PYGO1: variants seen among roughly 807,000 people sequenced by gnomAD.
The protein encoded by PYGO1 is pygopus family PHD finger 1, also known as pygopus homolog 1.
Under a neutral mutation model 29.5 loss-of-function variants are expected in PYGO1, and 6 were observed. The ratio of observed to expected loss-of-function variants is 0.20; its 90% CI spans 0.11 to 0.40. The LOEUF (loss-of-function observed/expected upper bound fraction) is 0.40, where lower values mean the gene tolerates loss of function less well. Ranked by LOEUF, PYGO1 falls within the 10% of genes least tolerant of loss-of-function variation. PYGO1 has a pLI of 1.00. For missense variants in PYGO1, 515 were observed against 514.9 expected, an observed-to-expected ratio of 1.00 and a Z score of 0.00; for synonymous variants, 186 against 180.5, an observed-to-expected ratio of 1.03 and a Z score of -0.24.
At chr15:55,586,641 T>C (rs913644770) in intron 1 of PYGO1, among the ~76,000 whole-genome samples, 17 of 152,362 alleles carry the variant, frequency 1.1e-4, no homozygotes, top group African/African-American at 2.6e-4. Flanking sequence ...TTGCTGTTGA[T>C]TGCACACACT....
chr15:55,552,071 T>C (rs2058881114), intron 1 of PYGO1, among the ~76,000 whole-genome samples: 1 of 151,938 alleles, frequency 6.6e-6, no homozygotes, highest in Admixed American at 6.6e-5. Flanking sequence ...GAAGCAGCTG[T>C]GGGCCAGGCA....
At chr15:55,583,904 T>A (rs955712298) in intron 1 of PYGO1, among the ~76,000 whole-genome samples, 1 of 152,158 alleles carries the variant, frequency 6.6e-6, no homozygotes, top group Non-Finnish European at 1.5e-5. Context: ...CACATTTTTA[T>A]CTCCTCTGAT....
rs1216267565 is a variant in PYGO1, at chr15:55,546,549, G to A, written c.734C>T (p.Ala245Val). ...PPPKQDFTQG[A>V]TKNTNQNSSA... ...GGAATTTTGATTAGTGTTTTTGGTT[G>A]CTCCTTGAGTAAAGTCTTGTTTTGG... is the stretch of plus-strand genomic sequence containing the variant. The change falls in exon 3 of 3, where the codon GCA becomes GTA. Residue 245 changes from alanine to valine, a missense_variant. Transcript: ENST00000563719. The A allele has an allele frequency of 8.7e-6, 14 of 1,613,938 alleles. No homozygotes were observed. The highest frequency in any genetic ancestry group is 1.2e-5 in the Non-Finnish European group (14 of 1,180,010).
At chr15:55,572,991 C>A (rs1364157673) in intron 1 of PYGO1, among the ~76,000 whole-genome samples, 1 of 139,998 alleles carries the variant, frequency 7.1e-6, no homozygotes, top group African/African-American at 2.6e-5. Flanking sequence ...AAGGTCAACA[C>A]AGTGAGACTC....
Position 55,545,031 on chromosome 15 carries a change from T to G in PYGO1, c.*992A>C, listed in dbSNP as rs1243592712. 2 of 152,202 alleles carry G rather than the reference T, an allele frequency of 1.3e-5. No individual in the cohort carries two copies. Among genetic ancestry groups the G allele is most frequent in the African/African-American group, 2.4e-5 (1 of 41,458 alleles). The allele number at this position is 152,202 out of a possible 1,614,324, so 9.4% of individuals were successfully genotyped here. A position where few individuals can be genotyped will look rare whatever the true frequency, so the allele number is the denominator to read the frequency against. On this transcript the variant is annotated 3_prime_UTR_variant, in exon 3 of 3. Transcript: ENST00000563719. ...ATTGATCTTTGTTTAAAATGGATTT[T>G]GATCTCCCCTAGGGTTCATTTTTGA...
At chr15:55,573,076 G>A (rs950277380) in intron 1 of PYGO1, among the ~76,000 whole-genome samples, 3 of 151,894 alleles carry the variant, frequency 2.0e-5, no homozygotes, top group Admixed American at 6.6e-5. Flanking sequence ...GGAGGCTGAG[G>A]TGGGCGGATC....
At chr15:55,574,265 C>G (rs2058992088) in intron 1 of PYGO1, among the ~76,000 whole-genome samples, 1 of 152,164 alleles carries the variant, frequency 6.6e-6, no homozygotes, top group Non-Finnish European at 1.5e-5. Flanking sequence ...CAACATTTGA[C>G]CTCACCACAA....
intron 1 of PYGO1, among the ~76,000 whole-genome samples, chr15:55,554,583 A>G (rs2058895462): frequency 6.6e-6 from 1 of 152,136 alleles, no homozygotes; most frequent in South Asian, 2.1e-4. Flanking sequence ...ACTGAGTTAA[A>G]GGAGCATGCT....
Position 55,546,706 on chromosome 15 carries a change from T to C in PYGO1, c.577A>G (p.Ser193Gly). The C allele has an allele frequency of 6.2e-7, 1 of 1,614,046 alleles. No homozygotes were observed. The highest frequency in any genetic ancestry group is 8.5e-7 in the Non-Finnish European group (1 of 1,179,882). ...NFSQIPPQNA[S>G]QVSNPDLASN... ...GCCAAATCGGGGTTAGAAACTTGGCTAGCATTCTGTGGAGGAATTTGACTG... is the reference window on the plus strand; with the variant it reads ...GCCAAATCGGGGTTAGAAACTTGGCCAGCATTCTGTGGAGGAATTTGACTG... The change falls in exon 3 of 3, where the codon AGC (serine) becomes GGC (glycine). Residue 193 changes from serine (S) to glycine (G), a missense_variant. By Grantham distance (56) the Ser-to-Gly change is moderately conservative. Transcript: ENST00000563719.
Position 55,541,570 on chromosome 15 carries a change from T to C in PYGO1, c.*4453A>G, listed in dbSNP as rs2058828162. On this transcript the variant is annotated 3_prime_UTR_variant, in exon 3 of 3. Coordinates refer to ENST00000563719, the MANE Select transcript of PYGO1 (RefSeq NM_001367806.1). ...TTTTAAAAAAGAAATTTAATGACAC[T>C]TTTCCCACTATCTTCATTCATACCT... 1.3e-5 allele frequency: 2 copies of C among 152,198 alleles called. No homozygotes were observed. Among genetic ancestry groups the C allele is most frequent in the African/African-American group, 4.8e-5 (2 of 41,454 alleles). 9.4% of individuals were successfully genotyped at this position (152,198 alleles called of 1,614,324 possible). A position where few individuals can be genotyped will look rare whatever the true frequency, so the allele number is the denominator to read the frequency against.
intron 1 of PYGO1, among the ~76,000 whole-genome samples, chr15:55,574,648 ATGTGTGTGTGTG>A (rs56305536): frequency 3.3e-5 from 5 of 150,920 alleles, no homozygotes; most frequent in South Asian, 2.1e-4. Context: ...TATACTGTAT[ATGTGTGTGTGTG>A]TGTGTGTGTG....
chr15:55,577,313 C>T (rs1440152242), intron 1 of PYGO1, among the ~76,000 whole-genome samples: 1 of 152,174 alleles, frequency 6.6e-6, no homozygotes, highest in African/African-American at 2.4e-5. Flanking sequence ...CACCCCGCCG[C>T]TAGCCAATGT....
intron 1 of PYGO1, among the ~76,000 whole-genome samples, chr15:55,570,050 C>T (rs1026508081): frequency 9.2e-5 from 14 of 152,178 alleles, no homozygotes; most frequent in African/African-American, 3.4e-4. Context: ...AAAGGGCTTT[C>T]CCTCTACCTG....
chr15:55,557,537 C>T (rs2058911850), intron 1 of PYGO1, among the ~76,000 whole-genome samples: 1 of 151,940 alleles, frequency 6.6e-6, no homozygotes, highest in Admixed American at 6.6e-5. Context: ...AGAGACACAA[C>T]AAAAAAAGAG....
At chr15:55,548,139 C>A (rs2058860904) in intron 2 of PYGO1, among the ~76,000 whole-genome samples, 1 of 152,062 alleles carries the variant, frequency 6.6e-6, no homozygotes, top group Admixed American at 6.5e-5. Context: ...CATGCCTCAG[C>A]CTCCGCAATA....
intron 1 of PYGO1, among the ~76,000 whole-genome samples, chr15:55,572,356 A>G (rs983812879): frequency 2.6e-5 from 4 of 152,234 alleles, no homozygotes; most frequent in African/African-American, 9.6e-5. Flanking sequence ...CCACATGCAG[A>G]TGAATGAAAC....
Position 55,558,521 on chromosome 15 carries a change from A to G in PYGO1, c.50-9526T>C, listed in dbSNP as rs1449392633. ...ACTTTAAAGTTCATATGGAACCAAA[A>G]AAGAGCCCACATTGCCAAGACAATC... is the stretch of plus-strand genomic sequence containing the variant. On this transcript the variant is annotated intron_variant, in intron 1 of 2. Coordinates refer to ENST00000563719, the MANE Select transcript of PYGO1 (RefSeq NM_001367806.1). Among the ~76,000 whole-genome samples the G allele has an allele frequency of 9.2e-5, 14 of 152,280 alleles. No homozygotes were observed. The East Asian group carries it at 2.7e-3, about 29-fold the overall frequency.
In PYGO1 at chr15:55,546,729, C is replaced by A. The variant is rs2058853010; in HGVS notation, c.554G>T (p.Ser185Ile). The change falls in exon 3 of 3, where the codon AGT becomes ATT. Residue 185 changes from serine to isoleucine, a missense_variant. Physicochemically the swap from Ser to Ile is moderately radical, Grantham distance 142. Coordinates refer to ENST00000563719, the MANE Select transcript of PYGO1 (RefSeq NM_001367806.1). Reference protein sequence around the residue: ...HFRQNPAENFSQIPPQNASQV... With the variant: ...HFRQNPAENFIQIPPQNASQV... ...GCTAGCATTCTGTGGAGGAATTTGA[C>A]TGAAATTTTCAGCAGGATTTTGTCT... The A allele has an allele frequency of 6.2e-7, 1 of 1,613,860 alleles. No individual in the cohort carries two copies. The highest frequency in any genetic ancestry group is 1.7e-5 in the Admixed American group (1 of 59,982).
chr15:55,578,449 T>G (rs7181809), intron 1 of PYGO1, among the ~76,000 whole-genome samples: 4 of 152,084 alleles, frequency 2.6e-5, no homozygotes, highest in Non-Finnish European at 5.9e-5. Flanking sequence ...TTTTCCACAG[T>G]GGCTACATCA....
Sources: allele counts gnomAD v4.1 joint callset (sites outside exome capture counted in the v4.1 genomes callset), GRCh38; gene constraint gnomAD v4.1.1; transcripts MANE v1.5; gene names NCBI Gene and HGNC (gene_info 2026-07-23, HGNC 2026-07-21).